ARB2A: variants seen among roughly 807,000 people sequenced by gnomAD.
ARB2A encodes ARB2 cotranscriptional regulator A.
the ARB2A span, among the ~76,000 whole-genome samples, chr5:94,084,885 G>A: frequency 6.6e-6 from 1 of 152,108 alleles, no homozygotes; most frequent in Non-Finnish European, 1.5e-5. Flanking sequence ...TGGTTTAAGG[G>A]TACAAATGTG....
At chr5:93,951,370 C>A in the ARB2A span, among the ~76,000 whole-genome samples, 4 of 152,062 alleles carry the variant, frequency 2.6e-5, no homozygotes, top group African/African-American at 4.8e-5. Context: ...TGGTTGCCTG[C>A]GCTTATGGGG....
chr5:93,759,557 T>A, the ARB2A span, among the ~76,000 whole-genome samples: 19 of 152,292 alleles, frequency 1.2e-4, no homozygotes, highest in East Asian at 3.7e-3. Context: ...CATGATCACG[T>A]GGGTTTCATG....
At chr5:93,760,761 T>C in the ARB2A span, among the ~76,000 whole-genome samples, 6 of 152,276 alleles carry the variant, frequency 3.9e-5, no homozygotes, top group South Asian at 1.0e-3. Flanking sequence ...TTAAGATGGA[T>C]TAAGGACTTA....
the ARB2A span, among the ~76,000 whole-genome samples, chr5:94,060,343 T>C: frequency 1.3e-5 from 2 of 151,716 alleles, no homozygotes; most frequent in Admixed American, 6.6e-5. Context: ...CAGAGCAAGA[T>C]TCCATCTCAA....
At chr5:93,712,065 T>C in the ARB2A span, among the ~76,000 whole-genome samples, 1 of 152,174 alleles carries the variant, frequency 6.6e-6, no homozygotes, top group African/African-American at 2.4e-5. Context: ...CAGGATAGCC[T>C]GGTAGAGAAG....
chr5:93,794,937 G>A, the ARB2A span, among the ~76,000 whole-genome samples: 2 of 152,154 alleles, frequency 1.3e-5, no homozygotes, highest in African/African-American at 2.4e-5. Context: ...GGTTCTATAG[G>A]CAGGATCTAA....
chr5:94,090,215 T>C, the ARB2A span, among the ~76,000 whole-genome samples: 2 of 152,210 alleles, frequency 1.3e-5, no homozygotes, highest in African/African-American at 2.4e-5. Flanking sequence ...CAGTGGTTTG[T>C]AGTTCTCCTT....
the ARB2A span, among the ~76,000 whole-genome samples, chr5:93,851,851 C>G: frequency 1.3e-5 from 2 of 152,106 alleles, no homozygotes; most frequent in Non-Finnish European, 2.9e-5. Flanking sequence ...TCCAGTCTAT[C>G]ATTGTTGGAC....
chr5:93,779,122 T>G, the ARB2A span, among the ~76,000 whole-genome samples: 1 of 147,268 alleles, frequency 6.8e-6, no homozygotes, highest in Non-Finnish European at 1.5e-5. Flanking sequence ...TGTGTGTGTG[T>G]GTGCGCGCGC....
the ARB2A span, among the ~76,000 whole-genome samples, chr5:93,971,947 G>A: frequency 6.6e-6 from 1 of 152,156 alleles, no homozygotes; most frequent in African/African-American, 2.4e-5. Flanking sequence ...TGCAAGAGTG[G>A]TGCCAGTTGC....
chr5:93,830,351 A>ATATC, the ARB2A span, among the ~76,000 whole-genome samples: 22 of 138,940 alleles, frequency 1.6e-4, no homozygotes, highest in South Asian at 4.2e-3. Flanking sequence ...ATATATATAT[A>ATATC]TCCACACACA....
the ARB2A span, among the ~76,000 whole-genome samples, chr5:93,700,019 A>G: frequency 2.6e-5 from 4 of 152,112 alleles, no homozygotes; most frequent in Non-Finnish European, 4.4e-5. Flanking sequence ...GACAATAATA[A>G]GTAACACAAA....
At chr5:93,721,368 G>A in the ARB2A span, among the ~76,000 whole-genome samples, 1 of 152,128 alleles carries the variant, frequency 6.6e-6, no homozygotes, top group African/African-American at 2.4e-5. Flanking sequence ...TACTGTGCTT[G>A]GTGTCATTGC....
chr5:93,618,113 A>G, the ARB2A span: 2 of 152,020 alleles, frequency 1.3e-5, no homozygotes, highest in Non-Finnish European at 2.9e-5. Context: ...ATGGAAATAT[A>G]ATATACAGGA....
the ARB2A span, among the ~76,000 whole-genome samples, chr5:93,867,288 G>C: frequency 6.6e-6 from 1 of 152,068 alleles, no homozygotes; most frequent in Non-Finnish European, 1.5e-5. Flanking sequence ...TTATTTTAAA[G>C]TTATTAAATA....
chr5:93,620,994 T>A, the ARB2A span: 7 of 1,609,160 alleles, frequency 4.4e-6, no homozygotes, highest in Non-Finnish European at 5.9e-6. Context: ...CTCTTACAGC[T>A]CTTCGTGCTT....
the ARB2A span, chr5:93,805,031 T>G: frequency 6.2e-6 from 6 of 965,936 alleles, no homozygotes; most frequent in Non-Finnish European, 7.4e-6. Context: ...TCTTTAGAGA[T>G]TTTATGAGGG....
chr5:93,636,372 C>G, the ARB2A span, among the ~76,000 whole-genome samples: 1 of 152,166 alleles, frequency 6.6e-6, no homozygotes, highest in Non-Finnish European at 1.5e-5. Flanking sequence ...AACCTAATCT[C>G]TAATGTGGTG....
chr5:93,799,958 AC>A, the ARB2A span, among the ~76,000 whole-genome samples: 2 of 152,118 alleles, frequency 1.3e-5, no homozygotes, highest in African/African-American at 4.8e-5. Flanking sequence ...ATTATTTAAA[AC>A]TAGTCACTAA....
Sources: allele counts gnomAD v4.1 joint callset (sites outside exome capture counted in the v4.1 genomes callset), GRCh38; gene constraint gnomAD v4.1.1; transcripts MANE v1.5; gene names NCBI Gene and HGNC (gene_info 2026-07-23, HGNC 2026-07-21).